AVEN: variants seen among roughly 807,000 people sequenced by gnomAD.
AVEN encodes the protein cell death regulator Aven.
In AVEN, 41 loss-of-function variants were observed where a neutral mutation model predicts 38.1. The observed-to-expected ratio is 1.08, with a 90% CI of 0.84 to 1.40. The LOEUF is 1.40. Among genes scored for constraint, AVEN ranks in the 40% most tolerant of loss-of-function variants. The pLI, the probability that AVEN is intolerant of heterozygous loss-of-function variation, is 0.00. For synonymous variants in AVEN, 206 were observed against 171.8 expected, an observed-to-expected ratio of 1.20 and a Z score of -1.56; for missense variants, 605 against 438.8, an observed-to-expected ratio of 1.38 and a Z score of -3.38.
chr15:33,854,536 G>T, downstream of AVEN: 1 of 1,191,318 alleles, frequency 8.4e-7, no homozygotes, highest in Non-Finnish European at 1.2e-6. Flanking sequence ...GCTCAGAAGG[G>T]TTCAGGGATT....
At chr15:33,983,170 G>GTGTGTATA (rs796742277) in intron 2 of AVEN, among the ~76,000 whole-genome samples, 14,057 of 126,192 alleles carry the variant, frequency 0.11, 1,128 homozygotes, top group East Asian at 0.25. Context: ...ATGTGTGTGT[G>GTGTGTATA]TATATATACA....
At chr15:33,901,274 A>T (rs1892489101) in intron 2 of AVEN, among the ~76,000 whole-genome samples, 1 of 152,092 alleles carries the variant, frequency 6.6e-6, no homozygotes, top group South Asian at 2.1e-4. Context: ...CTCAAAAAAG[A>T]AAAGAAAAAG....
At chr15:33,952,706 AT>A (rs1259669732) in intron 2 of AVEN, among the ~76,000 whole-genome samples, 1 of 152,186 alleles carries the variant, frequency 6.6e-6, no homozygotes, top group Non-Finnish European at 1.5e-5. Flanking sequence ...AACTGAAACT[AT>A]CCAACTGAGG....
At chr15:33,869,330 G>C (rs956134642) in intron 4 of AVEN, among the ~76,000 whole-genome samples, 1 of 152,184 alleles carries the variant, frequency 6.6e-6, no homozygotes, top group Non-Finnish European at 1.5e-5. Context: ...GGATTTCAAT[G>C]TCACATAATT....
intron 2 of AVEN, among the ~76,000 whole-genome samples, chr15:34,002,570 A>C (rs1471950295): frequency 1.3e-5 from 2 of 152,098 alleles, no homozygotes; most frequent in Non-Finnish European, 2.9e-5. Context: ...AAAAACAAAA[A>C]CTTGGTGTTC....
At chr15:34,016,379 C>T (rs1209438449) in intron 1 of AVEN, among the ~76,000 whole-genome samples, 1 of 152,188 alleles carries the variant, frequency 6.6e-6, no homozygotes, top group East Asian at 1.9e-4. Context: ...TACTAATAGA[C>T]ACTGAGTTGG....
At chr15:33,865,067 AC>A, downstream of AVEN, 1 of 1,338,438 alleles carries the variant, frequency 7.5e-7, no homozygotes, top group Non-Finnish European at 1.1e-6. Flanking sequence ...AAGAACAAAA[AC>A]AAACTGGGTT....
At chr15:33,919,732 C>T (rs1893316908) in intron 2 of AVEN, among the ~76,000 whole-genome samples, 1 of 152,202 alleles carries the variant, frequency 6.6e-6, no homozygotes, top group African/African-American at 2.4e-5. Flanking sequence ...TGACAATACA[C>T]ACACATTATT....
rs7165324 is a variant in AVEN at position 33,889,977 on chromosome 15, T to C, written c.446-13982A>G. Reference sequence around the variant, plus strand: ...CAAGGTAGATACAAACCCTACATTCTACCGATTCCAAACTTCACAGAAAAC... The same window carrying C: ...CAAGGTAGATACAAACCCTACATTCCACCGATTCCAAACTTCACAGAAAAC... On this transcript the variant is annotated intron_variant, in intron 2 of 5. Transcript: ENST00000306730. Among the ~76,000 whole-genome samples the C allele has an allele frequency of 4.3e-3, 648 of 152,314 alleles. 5 individuals carry two copies. Among genetic ancestry groups the C allele is most frequent in the African/African-American group, 0.015 (628 of 41,570 alleles).
At chr15:33,982,205 C>T (rs977390626) in intron 2 of AVEN, among the ~76,000 whole-genome samples, 2 of 152,056 alleles carry the variant, frequency 1.3e-5, no homozygotes, top group African/African-American at 4.8e-5. Flanking sequence ...TTAACACCTA[C>T]ATCTCTGCAG....
downstream of AVEN, among the ~76,000 whole-genome samples, chr15:33,854,049 A>C (rs1448135440): frequency 6.6e-6 from 1 of 152,092 alleles, no homozygotes; most frequent in African/African-American, 2.4e-5. Flanking sequence ...TTTAAAAAGT[A>C]GCTAGGCGTG....
At position 33,889,863 on chromosome 15, in the gene AVEN, G is replaced by A. The variant is rs148546166; in HGVS notation, c.446-13868C>T. ...TCACAGCATACATTTATAGAAAATC[G>A]GGCATACCATTAGAGGGGAGACTCG... On this transcript the variant is annotated intron_variant, in intron 2 of 5. Coordinates refer to ENST00000306730, the MANE Select transcript of AVEN (RefSeq NM_020371.3). Among the ~76,000 whole-genome samples the A allele has an allele frequency of 2.7e-3, 412 of 152,220 alleles. 1 individual carries two copies. The highest frequency in any genetic ancestry group is 9.1e-3 in the African/African-American group (380 of 41,542).
At chr15:33,914,104 T>C (rs1893024122) in intron 2 of AVEN, among the ~76,000 whole-genome samples, 6 of 152,050 alleles carry the variant, frequency 3.9e-5, no homozygotes, top group Admixed American at 3.3e-4. Flanking sequence ...GTGCTTACAT[T>C]TGAGGAATGG....
At chr15:33,950,518 A>G (rs1894699126) in intron 2 of AVEN, among the ~76,000 whole-genome samples, 1 of 152,212 alleles carries the variant, frequency 6.6e-6, no homozygotes, top group Non-Finnish European at 1.5e-5. Context: ...GAAAGACATC[A>G]AGGAAAAAAC....
At chr15:33,983,146 G>GTGTGTA (rs1555512729) in intron 2 of AVEN, among the ~76,000 whole-genome samples, 1 of 115,256 alleles carries the variant, frequency 8.7e-6, no homozygotes, top group African/African-American at 4.6e-5. Flanking sequence ...GTGTGTGTGT[G>GTGTGTA]TGTGTGTGTG....
intron 11 of AVEN, chr15:33,861,161 C>T (rs1888058495): frequency 6.3e-7 from 1 of 1,588,336 alleles, no homozygotes; most frequent in Non-Finnish European, 8.6e-7. Context: ...TACAAGAGCA[C>T]AACTTAGCCA....
intron 2 of AVEN, among the ~76,000 whole-genome samples, chr15:33,917,563 T>C (rs986848935): frequency 8.0e-5 from 12 of 149,424 alleles, no homozygotes; most frequent in Non-Finnish European, 1.0e-4. Context: ...TGTGTATGTA[T>C]ACACACACAC....
At chr15:34,057,633 G>A (rs114541023) in intron 5 of AVEN, among the ~76,000 whole-genome samples, 1,869 of 152,240 alleles carry the variant, frequency 0.012, 44 homozygotes, top group African/African-American at 0.039. Context: ...TGTGTCCAAA[G>A]TCATACAGTA....
rs193291730 is a variant in AVEN, at chr15:33,908,927, C to A, written c.446-32932G>T. ...GGTCTAGAGCGACAAAGCTGGAGAC[C>A]TGAGATCTGGGCAGTTTCCTTCACA... On this transcript the variant is annotated intron_variant, in intron 2 of 5. Transcript: ENST00000306730. Among the ~76,000 whole-genome samples the A allele has an allele frequency of 3.1e-3, 466 of 152,240 alleles. 12 individuals carry two copies. Among genetic ancestry groups the A allele is most frequent in the Admixed American group, 0.029 (436 of 15,286 alleles).
Sources: gnomAD v4.1 joint callset for allele counts (sites outside exome capture counted in the v4.1 genomes callset) on GRCh38, gnomAD v4.1.1 for gene constraint, MANE v1.5 for transcripts, NCBI Gene and HGNC (gene_info 2026-07-23, HGNC 2026-07-21) for gene names.